PANK4: variants seen among roughly 807,000 people sequenced by gnomAD.
The protein encoded by PANK4 is pantothenate kinase 4 (inactive).
In PANK4, 40 loss-of-function variants were observed where a neutral mutation model predicts 87.9. The ratio of observed to expected loss-of-function variants is 0.46; its 90% CI spans 0.35 to 0.59. The LOEUF is 0.59. Among genes scored for constraint, PANK4 ranks in the 20% least tolerant of loss-of-function variants. The pLI is 0.00. For missense variants in PANK4, 926 were observed against 1,072.3 expected, an observed-to-expected ratio of 0.86 and a Z score of 1.90; for synonymous variants, 524 against 467.4, an observed-to-expected ratio of 1.12 and a Z score of -1.56.
rs138363517 is a variant in PANK4, at chr1:2,510,283, C to A, written c.1939-126G>T. On this transcript the variant is annotated intron_variant, in intron 16 of 18. Coordinates refer to ENST00000378466, the MANE Select transcript of PANK4 (RefSeq NM_018216.4). The surrounding 1 kb of genome is among the most constrained non-coding windows in gnomAD (Gnocchi z 4.9). ...GTGCCCAGCGGGCCTGGCCAGCCAC[C>A]TGCTGCTGAGGAGCAGGGACCTCGC... 13 of 695,256 alleles carry A rather than the reference C, an allele frequency of 1.9e-5. No homozygotes were observed. Among genetic ancestry groups the A allele is most frequent in the South Asian group, 1.1e-4 (7 of 61,888 alleles). The allele number at this position is 695,256 out of a possible 1,614,324, so 43.1% of individuals were successfully genotyped here.
chr1:2,522,677 G>C (rs1026000202), intron 1 of PANK4, among the ~76,000 whole-genome samples: 1 of 152,286 alleles, frequency 6.6e-6, no homozygotes, highest in Non-Finnish European at 1.5e-5. Context: ...ATGTGACTTT[G>C]AGTGCATTGC....
chr1:2,514,487 G>A (rs755702313), intron 10 of PANK4, 21 bp from the exon 11 acceptor site: 30 of 1,577,496 alleles, frequency 1.9e-5, no homozygotes, highest in Non-Finnish European at 2.4e-5. Flanking sequence ...CAGAAGGAGG[G>A]GGTTAGTCAA....
In PANK4 at chr1:2,518,413, G is replaced by C. The variant is rs553865748; in HGVS notation, c.1117+103C>G. On this transcript the variant is annotated intron_variant, in intron 8 of 18. Transcript: ENST00000378466. ...CTGCTGTCACTTTCTGAGGACTCAC[G>C]CTCCCCACCCCACCTCCACCCTGGG... 2.3e-4 allele frequency: 249 copies of C among 1,072,720 alleles called. No homozygotes were observed. The African/African-American group carries it at 3.4e-3, about 15-fold the overall frequency. The allele number at this position is 1,072,720 out of a possible 1,614,324, so 66.5% of individuals were successfully genotyped here.
chr1:2,518,090 C>T (rs1024074876), intron 9 of PANK4, 74 bp downstream of exon 9: 5 of 901,722 alleles, frequency 5.5e-6, no homozygotes, highest in Non-Finnish European at 8.4e-6. Context: ...AGAGGCTTCG[C>T]TCAGGGACAG....
intron 2 of PANK4, 37 bp downstream of exon 2, chr1:2,521,681 G>T: frequency 6.6e-7 from 1 of 1,517,522 alleles, no homozygotes; most frequent in East Asian, 2.3e-5. Context: ...ACAGAGAAGC[G>T]GCTGCCCTGC....
Position 2,515,237 on chromosome 1 carries a change from C to T in PANK4, c.1374+325G>A. The T allele has an allele frequency of 2.0e-6, 1 of 508,194 alleles. No individual in the cohort carries two copies. The highest frequency in any genetic ancestry group is 2.9e-4 in the Middle Eastern group (1 of 3,420). 31.5% of individuals were successfully genotyped at this position (508,194 alleles called of 1,614,324 possible). A position where few individuals can be genotyped will look rare whatever the true frequency, so the allele number is the denominator to read the frequency against. On this transcript the variant is annotated intron_variant, in intron 10 of 18. Coordinates refer to ENST00000378466, the MANE Select transcript of PANK4 (RefSeq NM_018216.4). This position sits in a 1 kb window ranked among gnomAD's most constrained non-coding sequence, Gnocchi z 5.0. ...CCCCCAGAGTCAGGGTCCCACAATGCCTCCCGCACCTCAGTCACACCTCAA... is the reference window on the plus strand; with the variant it reads ...CCCCCAGAGTCAGGGTCCCACAATGTCTCCCGCACCTCAGTCACACCTCAA...
chr1:2,526,552 G>C lies in PANK4; in HGVS notation c.36C>G (p.Ser12Arg), dbSNP rs759259858. 15 of 1,602,138 alleles carry C rather than the reference G, an allele frequency of 9.4e-6. No individual in the cohort carries two copies. Among genetic ancestry groups the C allele is most frequent in the Non-Finnish European group, 1.2e-5 (14 of 1,175,006 alleles). The change falls in exon 1 of 19, where the codon AGC becomes AGG. Residue 12 changes from serine (S) to arginine (R), a missense_variant. Coordinates refer to ENST00000378466, the MANE Select transcript of PANK4 (RefSeq NM_018216.4). ...AECGASGSGS[S>R]GDSLDKSITL... ...TGATGCTCTTGTCCAGACTGTCCCCGCTGCTCCCGCTGCCGCTCGCTCCAC... is the reference window on the plus strand; with the variant it reads ...TGATGCTCTTGTCCAGACTGTCCCCCCTGCTCCCGCTGCCGCTCGCTCCAC...
chr1:2,523,299 G>T (rs886395284), intron 1 of PANK4, among the ~76,000 whole-genome samples: 1 of 152,140 alleles, frequency 6.6e-6, no homozygotes, highest in East Asian at 1.9e-4. Flanking sequence ...CGCGTCACAG[G>T]CTCAATCTGA....
intron 1 of PANK4, chr1:2,525,678 C>T (rs562867044): frequency 6.6e-6 from 1 of 152,284 alleles, no homozygotes; most frequent in African/African-American, 2.4e-5. Context: ...GGGAGGTGTC[C>T]GGGAGTCAGG....
chr1:2,509,757 G>A lies in PANK4; in HGVS notation c.2108+105C>T, dbSNP rs1377011301. The A allele has an allele frequency of 8.2e-6, 8 of 972,510 alleles. No individual in the cohort carries two copies. Among genetic ancestry groups the A allele is most frequent in the Non-Finnish European group, 1.1e-5 (7 of 617,174 alleles). 60.2% of individuals were successfully genotyped at this position (972,510 alleles called of 1,614,324 possible). On this transcript the variant is annotated intron_variant, in intron 18 of 18. Coordinates refer to ENST00000378466, the MANE Select transcript of PANK4 (RefSeq NM_018216.4). The surrounding 1 kb of genome is among the most constrained non-coding windows in gnomAD (Gnocchi z 4.9). ...GGGCCTGGGGTCAGGAGAGGCCGCA[G>A]GGGCAGTCCTGAGGTCGGTGTCCCG...
chr1:2,515,620 G>C lies in PANK4; in HGVS notation c.1316C>G (p.Thr439Ser). 6.2e-7 allele frequency: 1 copy of C among 1,613,360 alleles called. No individual in the cohort carries two copies. The highest frequency in any genetic ancestry group is 2.2e-5 in the East Asian group (1 of 44,870). Residue 439 changes from threonine to serine, a missense_variant, in exon 10 of 19, where the codon ACC (threonine) becomes AGC (serine). Physicochemically the swap from Thr to Ser is moderately conservative, Grantham distance 58. Coordinates refer to ENST00000378466, the MANE Select transcript of PANK4 (RefSeq NM_018216.4). This position sits in a 1 kb window ranked among gnomAD's most constrained non-coding sequence, Gnocchi z 5.0. ...PSYVPDTVDL[T>S]DDALARKYWL... ...GTATTTTCGGGCCAGAGCGTCATCG[G>C]TGAGGTCCACCGTGTCGGGCACGTA... is the stretch of plus-strand genomic sequence containing the variant.
At position 2,515,264 on chromosome 1, in the gene PANK4, A is replaced by C; in HGVS notation, c.1374+298T>G. The C allele has an allele frequency of 3.4e-6, 2 of 590,816 alleles. No individual in the cohort carries two copies. The highest frequency in any genetic ancestry group is 5.2e-4 in the Middle Eastern group (2 of 3,870). The allele number at this position is 590,816 out of a possible 1,614,324, so 36.6% of individuals were successfully genotyped here. A position where few individuals can be genotyped will look rare whatever the true frequency, so the allele number is the denominator to read the frequency against. ...TCCCGCACCTCAGTCACACCTCAAA[A>C]GAGCAGAGACGTCTCCTAAATTGCT... On this transcript the variant is annotated intron_variant, in intron 10 of 18. Coordinates refer to ENST00000378466, the MANE Select transcript of PANK4 (RefSeq NM_018216.4). This position sits in a 1 kb window ranked among gnomAD's most constrained non-coding sequence, Gnocchi z 5.0.
intron 9 of PANK4, among the ~76,000 whole-genome samples, chr1:2,517,647 C>T (rs1437521675): frequency 2.0e-5 from 3 of 152,220 alleles, no homozygotes; most frequent in African/African-American, 4.8e-5. Flanking sequence ...TCTCCTAGCC[C>T]GCCAGTGCCA....
In PANK4 at chr1:2,520,900, G is replaced by T; in HGVS notation, c.429C>A (p.Asp143Glu). ...TCAGGCACGTCATCACGTCCTCCTT[G>T]TCGACTCTGAAAAGGAAGCGCCAAC... ...LIEEKLRLKV[D>E]KEDVMTCLIK... Residue 143 changes from aspartate to glutamate, a missense_variant, in exon 4 of 19, where the codon GAC (aspartate) becomes GAA (glutamate). Asp to Glu is a conservative substitution (Grantham distance 45). Transcript: ENST00000378466. This position sits in a 1 kb window ranked among gnomAD's most constrained non-coding sequence, Gnocchi z 6.2. 6.5e-7 allele frequency: 1 copy of T among 1,547,830 alleles called. No homozygotes were observed. The highest frequency in any genetic ancestry group is 2.3e-5 in the East Asian group (1 of 44,368).
chr1:2,526,399 G>C, intron 1 of PANK4, 65 bp downstream of exon 1: 9 of 686,232 alleles, frequency 1.3e-5, no homozygotes, highest in Middle Eastern at 7.4e-4. Context: ...GCCCCCGCTC[G>C]CCGGCCCACC....
chr1:2,516,598 G>A (rs1643782689), intron 9 of PANK4, among the ~76,000 whole-genome samples: 1 of 152,164 alleles, frequency 6.6e-6, no homozygotes, highest in South Asian at 2.1e-4. Flanking sequence ...CTTCTCCACT[G>A]GGGCACCCCT....
intron 1 of PANK4, among the ~76,000 whole-genome samples, chr1:2,523,291 C>A (rs1278433806): frequency 1.3e-5 from 2 of 152,152 alleles, no homozygotes; most frequent in African/African-American, 2.4e-5. Context: ...CTGGTGGACG[C>A]GTCACAGGCT....
chr1:2,518,730 A>G, intron 7 of PANK4, 133 bp from the exon 8 acceptor site: 1 of 738,176 alleles, frequency 1.4e-6, no homozygotes, highest in Non-Finnish European at 2.3e-6. Flanking sequence ...CACCCACGGC[A>G]TACTTGCCAG....
chr1:2,525,018 G>A (rs1268652193), intron 1 of PANK4, among the ~76,000 whole-genome samples: 1 of 152,118 alleles, frequency 6.6e-6, no homozygotes, highest in African/African-American at 2.4e-5. Flanking sequence ...CTGGCACCAG[G>A]CCACACCCCC....
Sources: gnomAD v4.1 joint callset for allele counts (sites outside exome capture counted in the v4.1 genomes callset) on GRCh38, gnomAD v4.1.1 for gene constraint, Gnocchi (gnomAD v3.1) non-coding constraint, MANE v1.5 for transcripts, NCBI Gene and HGNC (gene_info 2026-07-23, HGNC 2026-07-21) for gene names.